Variants in BMPR2 observed in about 807,000 individuals in gnomAD.
BMPR2 encodes bone morphogenetic protein receptor type 2.
Under a neutral mutation model 100.8 loss-of-function variants are expected in BMPR2, and 29 were observed. The observed-to-expected ratio is 0.29, with a 90% confidence interval of 0.21 to 0.39. The LOEUF is 0.39. Ranked by LOEUF, BMPR2 falls within the 10% of genes least tolerant of loss-of-function variation. The pLI is 1.00. For synonymous variants in BMPR2, 382 were observed against 442.3 expected, an observed-to-expected ratio of 0.86 and a Z score of 1.71; for missense variants, 1,011 against 1,274.5, an observed-to-expected ratio of 0.79 and a Z score of 3.15.
intron 3 of BMPR2, among the ~76,000 whole-genome samples, chr2:202,497,815 A>G (rs1400974437): frequency 1.3e-5 from 2 of 152,178 alleles, no homozygotes; most frequent in Admixed American, 1.3e-4. Context: ...AGTTTCTCCT[A>G]TAAGAATGAT....
Position 202,532,987 on chromosome 2 carries a change from T to C in BMPR2, c.1276+255T>C, listed in dbSNP as rs1688056274. 6.6e-6 allele frequency among the ~76,000 whole-genome samples: 1 copy of C among 152,176 alleles called. No homozygotes were observed. Among genetic ancestry groups the C allele is most frequent in the Non-Finnish European group, 1.5e-5 (1 of 68,034 alleles). On this transcript the variant is annotated intron_variant, in intron 9 of 12. Coordinates refer to ENST00000374580, the MANE Select transcript of BMPR2 (RefSeq NM_001204.7). The surrounding 1 kb of genome is among the most constrained non-coding windows in gnomAD (Gnocchi z 4.1). ...GCCAGTAATAGCTTATCTAACTGTA[T>C]TTTGTTTGGTCTCTGATTGCTTTAG...
At chr2:202,460,444 A>C (rs1692204210) in intron 1 of BMPR2, among the ~76,000 whole-genome samples, 1 of 152,224 alleles carries the variant, frequency 6.6e-6, no homozygotes, top group Non-Finnish European at 1.5e-5. Context: ...AGAAAAAGAA[A>C]ACTTTAAGAA....
At chr2:202,476,381 G>A (rs1294296749) in intron 3 of BMPR2, among the ~76,000 whole-genome samples, 3 of 151,934 alleles carry the variant, frequency 2.0e-5, no homozygotes, top group Admixed American at 1.3e-4. Flanking sequence ...TAATTATTTA[G>A]TGGTTTCAGA....
Position 202,556,572 on chromosome 2 carries a change from G to C in BMPR2, c.2866+41G>C, listed in dbSNP as rs573739184. The C allele has an allele frequency of 1.2e-5, 19 of 1,596,228 alleles. No individual in the cohort carries two copies. The African/African-American group carries it at 1.9e-4, about 16-fold the overall frequency. On this transcript the variant is annotated intron_variant, in intron 12 of 12. Transcript: ENST00000374580. ...ATATAATCTCTCCTGTGTGTCTTTT[G>C]GGGCCATTTAAATAACTATTTAGAA...
chr2:202,518,127 CTT>C (rs35869694), intron 5 of BMPR2, among the ~76,000 whole-genome samples: 6,022 of 76,676 alleles, frequency 0.079, 207 homozygotes, highest in Non-Finnish European at 0.1. Context: ...CGCCTGGCCT[CTT>C]TTTTTTTTTT....
At chr2:202,512,917 C>T (rs1687649816) in intron 3 of BMPR2, among the ~76,000 whole-genome samples, 1 of 151,596 alleles carries the variant, frequency 6.6e-6, no homozygotes, top group East Asian at 1.9e-4. Context: ...AGTGTAACTA[C>T]CATTTATTGC....
At chr2:202,382,058 GTTTTTTTTT>G (rs1216592236) in intron 1 of BMPR2, among the ~76,000 whole-genome samples, 4 of 113,648 alleles carry the variant, frequency 3.5e-5, no homozygotes, top group African/African-American at 9.5e-5. Context: ...TTTTGTTTTT[GTTTTTTTTT>G]TTTTTTTTTT....
chr2:202,499,730 G>C (rs1277217649), intron 3 of BMPR2, among the ~76,000 whole-genome samples: 1 of 152,086 alleles, frequency 6.6e-6, no homozygotes, highest in African/African-American at 2.4e-5. Flanking sequence ...CCTGAGCCCT[G>C]AACAAAAATC....
intron 10 of BMPR2, among the ~76,000 whole-genome samples, chr2:202,551,989 G>A (rs1688488291): frequency 6.6e-6 from 1 of 151,978 alleles, no homozygotes; most frequent in African/African-American, 2.4e-5. Flanking sequence ...TAAGTAGCTG[G>A]GACTACAGGC....
At chr2:202,384,574 C>CTTTCTTTTG (rs1690385052) in intron 1 of BMPR2, among the ~76,000 whole-genome samples, 1 of 113,212 alleles carries the variant, frequency 8.8e-6, no homozygotes, top group Non-Finnish European at 1.9e-5. Context: ...CTTTCTTTTT[C>CTTTCTTTTG]TTTCTTTTCT....
At chr2:202,479,721 T>C (rs988898470) in intron 3 of BMPR2, among the ~76,000 whole-genome samples, 2 of 152,120 alleles carry the variant, frequency 1.3e-5, no homozygotes, top group African/African-American at 4.8e-5. Context: ...AACTTTCAAT[T>C]ATTTTCTTTT....
At chr2:202,411,075 A>G (rs1165382826) in intron 1 of BMPR2, among the ~76,000 whole-genome samples, 1 of 152,174 alleles carries the variant, frequency 6.6e-6, no homozygotes, top group Admixed American at 6.6e-5. Flanking sequence ...GCAAGAATCA[A>G]CCAATGGATG....
chr2:202,447,822 A>G (rs931275289), intron 1 of BMPR2, among the ~76,000 whole-genome samples: 6 of 150,684 alleles, frequency 4.0e-5, no homozygotes, highest in Admixed American at 2.6e-4. Flanking sequence ...ATCCATATTT[A>G]AAATTGTTAT....
intron 12 of BMPR2, among the ~76,000 whole-genome samples, chr2:202,559,040 C>T (rs1439516967): frequency 6.6e-6 from 1 of 151,958 alleles, no homozygotes; most frequent in Admixed American, 6.6e-5. Flanking sequence ...TGGCTCACAC[C>T]TGTAATCCCA....
In BMPR2 at chr2:202,556,415, C is replaced by T. The variant is rs774724343; in HGVS notation, c.2750C>T (p.Ala917Val). ...CCATGTTCAGAACAAGATGTTCTTG[C>T]ACAGGGTGTTCCAAGCACAGCAGCA... ...SNPCSEQDVL[A>V]QGVPSTAADP... The change falls in exon 12 of 13, where the codon GCA becomes GTA. Residue 917 changes from alanine (A) to valine (V), a missense_variant. By Grantham distance (64) the Ala-to-Val change is moderately conservative. Transcript: ENST00000374580. The T allele has an allele frequency of 1.2e-6, 2 of 1,614,178 alleles. No homozygotes were observed. Among genetic ancestry groups the T allele is most frequent in the Non-Finnish European group, 8.5e-7 (1 of 1,180,036 alleles).
At chr2:202,433,332 G>A (rs1691543376) in intron 1 of BMPR2, among the ~76,000 whole-genome samples, 1 of 150,450 alleles carries the variant, frequency 6.6e-6, no homozygotes. Flanking sequence ...CATGGAAAAT[G>A]CATATTATGA....
rs1688435317 is a variant in BMPR2 at position 202,549,472 on chromosome 2, G to A, written c.1414-3244G>A. Among the ~76,000 whole-genome samples, 3 of 152,152 alleles carry A rather than the reference G, an allele frequency of 2.0e-5. No individual in the cohort carries two copies. The South Asian group carries it at 6.2e-4, about 32-fold the overall frequency. ...GTAAATATCTAAGAGTAGAGTGGTT[G>A]AATCATGTGGTAGGTATATGTTTAA... On this transcript the variant is annotated intron_variant, in intron 10 of 12. Transcript: ENST00000374580.
chr2:202,496,611 T>A (rs1051090828), intron 3 of BMPR2, among the ~76,000 whole-genome samples: 2 of 152,256 alleles, frequency 1.3e-5, no homozygotes, highest in East Asian at 3.8e-4. Flanking sequence ...AAAATCCACA[T>A]GCAAATAAAA....
intron 1 of BMPR2, among the ~76,000 whole-genome samples, chr2:202,407,042 G>A (rs1690906991): frequency 6.6e-6 from 1 of 151,556 alleles, no homozygotes; most frequent in African/African-American, 2.4e-5. Context: ...CTGCTTCCTA[G>A]GCTCAAGTGA....
Sources: allele counts gnomAD v4.1 joint callset (sites outside exome capture counted in the v4.1 genomes callset), GRCh38; gene constraint gnomAD v4.1.1; non-coding constraint Gnocchi (gnomAD v3.1); transcripts MANE v1.5; gene names NCBI Gene and HGNC (gene_info 2026-07-23, HGNC 2026-07-21).